IL1RAPL1: variants seen among roughly 807,000 people sequenced by gnomAD.
IL1RAPL1 encodes interleukin 1 receptor accessory protein like 1.
Under a neutral mutation model 48.4 loss-of-function variants are expected in IL1RAPL1, and 3 were observed. The ratio of observed to expected loss-of-function variants is 0.06; its 90% CI spans 0.03 to 0.16. The LOEUF (loss-of-function observed/expected upper bound fraction) is 0.16. Among genes scored for constraint, IL1RAPL1 ranks in the 10% least tolerant of loss-of-function variants. The probability of loss-of-function intolerance (pLI) is 1.00; values close to 1 mark genes in which losing one functional copy is unlikely to be tolerated. For missense variants in IL1RAPL1, 349 were observed against 530.6 expected, an observed-to-expected ratio of 0.66 and a Z score of 3.36; for synonymous variants, 185 against 187.7, an observed-to-expected ratio of 0.99 and a Z score of 0.12.
At chrX:29,142,681 T>C (rs768796014) in intron 2 of IL1RAPL1, among the ~76,000 whole-genome samples, 1 of 106,860 alleles carries the variant, frequency 9.4e-6, no homozygotes, top group African/African-American at 3.5e-5. Flanking sequence ...TCTAAAATTA[T>C]TTCAAGATGT....
chrX:28,803,616 G>T (rs1049683759), intron 2 of IL1RAPL1, among the ~76,000 whole-genome samples: 1 of 111,860 alleles, frequency 8.9e-6, no homozygotes, highest in African/African-American at 3.2e-5. Context: ...GAAAATATTA[G>T]CATGCTACCA....
At chrX:28,739,345 C>G (rs1482217816) in intron 1 of IL1RAPL1, among the ~76,000 whole-genome samples, 1 of 106,415 alleles carries the variant, frequency 9.4e-6, no homozygotes, top group Admixed American at 9.7e-5. Flanking sequence ...CTTTTGATGT[C>G]TGTCTGTCTC....
At chrX:29,749,637 C>A (rs2147139939) in intron 6 of IL1RAPL1, among the ~76,000 whole-genome samples, 1 of 112,107 alleles carries the variant, frequency 8.9e-6, no homozygotes, top group African/African-American at 3.2e-5. Context: ...AATAAAATTT[C>A]AATCAGAAGG....
At chrX:28,942,616 T>A (rs1924190984) in intron 2 of IL1RAPL1, 1 of 102,476 alleles carries the variant, frequency 9.8e-6, no homozygotes, top group Admixed American at 1.1e-4. Context: ...TAATTGGAAC[T>A]TGGCCACATA....
chrX:29,925,531 CTTT>C (rs1932882982), intron 8 of IL1RAPL1, among the ~76,000 whole-genome samples: 1 of 98,129 alleles, frequency 1.0e-5, no homozygotes, highest in Non-Finnish European at 2.0e-5. Context: ...CTCTGCACTT[CTTT>C]TATTATTTAT....
At chrX:29,205,390 A>C (rs779404369) in intron 2 of IL1RAPL1, among the ~76,000 whole-genome samples, 1 of 112,162 alleles carries the variant, frequency 8.9e-6, no homozygotes, top group Non-Finnish European at 1.9e-5. Context: ...ACATTCTGTG[A>C]GATTCTCCCA....
chrX:29,159,769 C>T (rs1319345803), intron 2 of IL1RAPL1, among the ~76,000 whole-genome samples: 1 of 111,719 alleles, frequency 9.0e-6, no homozygotes, highest in Non-Finnish European at 1.9e-5. Context: ...TCTTGTTGCC[C>T]AGGCTGGAGT....
chrX:28,748,306 A>T lies in IL1RAPL1; in HGVS notation c.-24-41014A>T, dbSNP rs921414409. On this transcript the variant is annotated intron_variant, in intron 1 of 10. Transcript: ENST00000378993. ...AACATAGGGAAGAATGAGAAAATTT[A>T]AAAAATAGAGTAAGTGGATGGATTT... Among the ~76,000 whole-genome samples the T allele has an allele frequency of 2.7e-5, 3 of 112,052 alleles. No individual in the cohort carries two copies. The East Asian group carries it at 8.4e-4, about 31-fold the overall frequency.
intron 2 of IL1RAPL1, among the ~76,000 whole-genome samples, chrX:28,887,179 C>T (rs1468527227): frequency 9.0e-6 from 1 of 110,834 alleles, no homozygotes; most frequent in Non-Finnish European, 1.9e-5. Context: ...AAGGCTCCTC[C>T]TGTGTGAATG....
intron 6 of IL1RAPL1, among the ~76,000 whole-genome samples, chrX:29,908,491 G>A (rs1476922056): frequency 1.8e-5 from 2 of 109,580 alleles, no homozygotes; most frequent in Non-Finnish European, 3.8e-5. Flanking sequence ...TTTCTTAAGG[G>A]TATTTTTGTC....
intron 5 of IL1RAPL1, among the ~76,000 whole-genome samples, chrX:29,550,123 C>A (rs1228472287): frequency 8.9e-6 from 1 of 112,153 alleles, no homozygotes; most frequent in Non-Finnish European, 1.9e-5. Flanking sequence ...TTTACAACTT[C>A]TTTTAATGTA....
intron 2 of IL1RAPL1, among the ~76,000 whole-genome samples, chrX:28,956,078 A>T (rs1924600898): frequency 9.3e-6 from 1 of 107,313 alleles, no homozygotes; most frequent in Non-Finnish European, 1.9e-5. Flanking sequence ...TGGTTGGTGT[A>T]TAAGAATGCT....
intron 2 of IL1RAPL1, among the ~76,000 whole-genome samples, chrX:28,916,145 C>G (rs1350528120): frequency 9.1e-6 from 1 of 110,372 alleles, no homozygotes; most frequent in Admixed American, 9.7e-5. Context: ...GATTAAGTTC[C>G]TAATTTTAGT....
At chrX:29,890,602 C>T (rs766965394) in intron 6 of IL1RAPL1, among the ~76,000 whole-genome samples, 1 of 112,138 alleles carries the variant, frequency 8.9e-6, no homozygotes, top group Non-Finnish European at 1.9e-5. Context: ...CAATAGCCTC[C>T]GGAGAAAATG....
At chrX:29,616,295 G>A (rs1458704405) in intron 5 of IL1RAPL1, among the ~76,000 whole-genome samples, 2 of 106,152 alleles carry the variant, frequency 1.9e-5, no homozygotes, top group African/African-American at 7.1e-5. Context: ...CAGTATGAAT[G>A]GGCACAACTG....
chrX:28,609,628 T>TAC (rs3078234), intron 1 of IL1RAPL1, among the ~76,000 whole-genome samples: 2,089 of 89,363 alleles, frequency 0.023, 37 homozygotes, highest in African/African-American at 0.039. Context: ...TGCATGTTCT[T>TAC]ACACACACAC....
intron 2 of IL1RAPL1, among the ~76,000 whole-genome samples, chrX:28,996,620 T>TTGTGTGTG (rs59015501): frequency 1.3e-4 from 14 of 108,393 alleles, no homozygotes; most frequent in African/African-American, 4.4e-4. Flanking sequence ...AATTGTTATT[T>TTGTGTGTG]TGTGTGTGTG....
intron 2 of IL1RAPL1, among the ~76,000 whole-genome samples, chrX:29,272,139 A>G (rs1181417807): frequency 8.9e-6 from 1 of 111,913 alleles, no homozygotes; most frequent in Non-Finnish European, 1.9e-5. Context: ...CAGTTATTTC[A>G]GTACCATTTA....
intron 2 of IL1RAPL1, among the ~76,000 whole-genome samples, chrX:29,111,660 C>T (rs1038309667): frequency 9.0e-6 from 1 of 111,285 alleles, no homozygotes; most frequent in Non-Finnish European, 1.9e-5. Flanking sequence ...AACTTCAAGG[C>T]GATGCCATAT....
Sources: gnomAD v4.1 joint callset for allele counts (sites outside exome capture counted in the v4.1 genomes callset) on GRCh38, gnomAD v4.1.1 for gene constraint, MANE v1.5 for transcripts, NCBI Gene and HGNC (gene_info 2026-07-23, HGNC 2026-07-21) for gene names.